Variants in MYLK observed in about 807,000 individuals in gnomAD.
The protein encoded by MYLK is myosin light chain kinase, smooth muscle.
MYLK carries 106 observed loss-of-function variants against 203.4 expected under a neutral mutation model. The observed-to-expected ratio is 0.52, with a 90% CI of 0.45 to 0.61. The LOEUF (loss-of-function observed/expected upper bound fraction) is 0.61. Among genes scored for constraint, MYLK ranks in the 20% least tolerant of loss-of-function variants. MYLK has a pLI of 0.00. For missense variants in MYLK, 2,072 were observed against 2,442.3 expected (o/e 0.85, Z 3.20); for synonymous variants, 867 against 959.5 (o/e 0.90, Z 1.78).
intron 14 of MYLK, 52 bp from the exon 15 acceptor site, chr3:123,708,947 A>G (rs2061572176): frequency 1.3e-6 from 2 of 1,518,612 alleles, no homozygotes; most frequent in Admixed American, 1.7e-5. Context: ...CTCCCCGGCC[A>G]TGCAGCAACT....
intron 13 of MYLK, among the ~76,000 whole-genome samples, chr3:123,719,422 TTGGGAAAAC>T (rs1198066196): frequency 5.9e-5 from 9 of 152,218 alleles, no homozygotes; most frequent in Non-Finnish European, 1.3e-4. Flanking sequence ...AGTGGATCCT[TTGGGAAAAC>T]CCCTCCTCAG....
At chr3:123,723,224 G>A (rs1381289292) in intron 12 of MYLK, among the ~76,000 whole-genome samples, 1 of 151,990 alleles carries the variant, frequency 6.6e-6, no homozygotes, top group Non-Finnish European at 1.5e-5. Context: ...AAGGGAGACA[G>A]TACAGAAAGA....
chr3:123,705,862 G>T (rs1055005483), intron 16 of MYLK, among the ~76,000 whole-genome samples: 1 of 152,142 alleles, frequency 6.6e-6, no homozygotes, highest in Non-Finnish European at 1.5e-5. Flanking sequence ...CTTGAGTAAT[G>T]TAAGTATTAT....
chr3:123,684,412 C>T (rs2060377292), intron 19 of MYLK, among the ~76,000 whole-genome samples: 1 of 152,188 alleles, frequency 6.6e-6, no homozygotes. Flanking sequence ...ATGAGGGTGC[C>T]ATAAACCAGG....
intron 2 of MYLK, among the ~76,000 whole-genome samples, chr3:123,839,598 C>T (rs1162762351): frequency 1.3e-5 from 2 of 152,126 alleles, no homozygotes; most frequent in Non-Finnish European, 2.9e-5. Context: ...CTAGGAAAAT[C>T]CGCAATTGTA....
chr3:123,800,024 A>T (rs1438051032), intron 3 of MYLK: 4 of 152,220 alleles, frequency 2.6e-5, no homozygotes, highest in Non-Finnish European at 5.9e-5. Context: ...CTCTGCTCGC[A>T]GATGGTGCAA....
Position 123,707,962 on chromosome 3 carries a change from G to A in MYLK, c.2182C>T (p.Arg728Cys), listed in dbSNP as rs143468713. ...TGGCCCAGGGAGGCTGTCACTGAGCGAGGCTTACTGATGAACCAGGGCTGG... is the reference window on the plus strand; with the variant it reads ...TGGCCCAGGGAGGCTGTCACTGAGCAAGGCTTACTGATGAACCAGGGCTGG... ...GTQPWFISKP[R>C]SVTASLGQSV... is the part of the protein sequence containing the mutation. Residue 728 changes from arginine (R) to cysteine (C), a missense_variant, in exon 16 of 34, where the codon CGC becomes TGC. Physicochemically the swap from Arg to Cys is radical, Grantham distance 180. Coordinates refer to ENST00000360304, the MANE Select transcript of MYLK (RefSeq NM_053025.4). 5.4e-5 allele frequency: 87 copies of A among 1,614,072 alleles called. 1 individual carries two copies. In the South Asian group the frequency reaches 8.2e-4, roughly 15 times the overall value.
At chr3:123,794,338 G>A (rs1371095425) in intron 3 of MYLK, among the ~76,000 whole-genome samples, 1 of 152,194 alleles carries the variant, frequency 6.6e-6, no homozygotes, top group Non-Finnish European at 1.5e-5. Flanking sequence ...AGAGAGGAAG[G>A]TAGTTTGGGG....
chr3:123,694,176 T>C (rs1232754203), intron 18 of MYLK, among the ~76,000 whole-genome samples: 1 of 152,148 alleles, frequency 6.6e-6, no homozygotes, highest in Admixed American at 6.5e-5. Flanking sequence ...GGGTACTGTT[T>C]TAAACAGAGA....
chr3:123,879,665 C>T (rs1164402043), intron 1 of MYLK, among the ~76,000 whole-genome samples: 1 of 152,134 alleles, frequency 6.6e-6, no homozygotes, highest in African/African-American at 2.4e-5. Flanking sequence ...GACGGGGTCT[C>T]ACACTGTCGC....
rs147878335 is a variant in MYLK at position 123,660,701 on chromosome 3, G to C, written c.3986-3273C>G. Among the ~76,000 whole-genome samples the C allele has an allele frequency of 2.8e-4, 43 of 152,338 alleles. No individual in the cohort carries two copies. The East Asian group carries it at 6.4e-3, about 23-fold the overall frequency. On this transcript the variant is annotated intron_variant, in intron 23 of 33. Coordinates refer to ENST00000360304, the MANE Select transcript of MYLK (RefSeq NM_053025.4). ...GCCCTTTAAAGAATATACAATAAGA[G>C]AAGTTTGCTGCTAACAAGGAGGAGT...
chr3:123,657,044 C>T, intron 24 of MYLK, 82 bp downstream of exon 24: 1 of 1,502,134 alleles, frequency 6.7e-7, no homozygotes, highest in South Asian at 1.1e-5. Context: ...TTCCTTTTCA[C>T]CCCTTTCAGT....
chr3:123,799,167 C>T (rs1435369876), intron 3 of MYLK, among the ~76,000 whole-genome samples: 1 of 148,274 alleles, frequency 6.7e-6, no homozygotes, highest in Non-Finnish European at 1.5e-5. Flanking sequence ...GCTGGAAACT[C>T]CCCCTTACCC....
At chr3:123,689,600 C>G (rs1472607709) in intron 19 of MYLK, 2 of 152,262 alleles carry the variant, frequency 1.3e-5, no homozygotes, top group Non-Finnish European at 2.9e-5. Context: ...CTTGGTGAGC[C>G]TCAGTTTGCT....
chr3:123,769,061 T>G (rs941787431), intron 4 of MYLK, among the ~76,000 whole-genome samples: 10 of 152,312 alleles, frequency 6.6e-5, no homozygotes, highest in African/African-American at 2.2e-4. Context: ...CTGATCACAG[T>G]TCAGACTACT....
chr3:123,876,514 T>C (rs1463342881), intron 2 of MYLK, 45 bp downstream of exon 2: 2 of 152,228 alleles, frequency 1.3e-5, no homozygotes, highest in Non-Finnish European at 2.9e-5. Flanking sequence ...GGCTATAATT[T>C]GGAATAAAGA....
At chr3:123,704,513 T>C (rs2061373578) in intron 16 of MYLK, among the ~76,000 whole-genome samples, 1 of 152,220 alleles carries the variant, frequency 6.6e-6, no homozygotes, top group Non-Finnish European at 1.5e-5. Context: ...TACTAAGCTC[T>C]GAATAAGAGT....
intron 20 of MYLK, among the ~76,000 whole-genome samples, chr3:123,671,950 C>G (rs1037014748): frequency 3.3e-5 from 5 of 151,874 alleles, no homozygotes; most frequent in African/African-American, 1.2e-4. Context: ...CTACCGGAGC[C>G]CAGATATGAT....
intron 11 of MYLK, among the ~76,000 whole-genome samples, chr3:123,727,414 A>T (rs540991256): frequency 6.6e-6 from 1 of 152,324 alleles, no homozygotes; most frequent in African/African-American, 2.4e-5. Context: ...TTTGGGTTAG[A>T]AATATGCTCT....
Sources: gnomAD v4.1 joint callset for allele counts (sites outside exome capture counted in the v4.1 genomes callset) on GRCh38, gnomAD v4.1.1 for gene constraint, MANE v1.5 for transcripts, NCBI Gene and HGNC (gene_info 2026-07-23, HGNC 2026-07-21) for gene names.